Variants in GALNT16 observed in about 807,000 individuals in gnomAD.
GALNT16 encodes UDP-GalNAc:polypeptide N-acetylgalactosaminyltransferase-like protein 1.
A neutral mutation model predicts 76.1 loss-of-function variants in GALNT16; 40 were observed. The observed-to-expected ratio is 0.53, with a 90% CI of 0.41 to 0.68. GALNT16 has a LOEUF of 0.68. Among genes scored for constraint, GALNT16 ranks in the 30% least tolerant of loss-of-function variants. GALNT16 has a pLI of 0.00. For synonymous variants in GALNT16, 276 were observed against 285.2 expected (o/e 0.97, Z 0.32); for missense variants, 621 against 731.9 (o/e 0.85, Z 1.75).
At chr14:69,382,201 G>C in the GALNT16 span, among the ~76,000 whole-genome samples, 1 of 152,162 alleles carries the variant, frequency 6.6e-6, no homozygotes, top group South Asian at 2.1e-4. Context: ...TTCTTCCTCT[G>C]AACAGTAAGG....
the GALNT16 span, among the ~76,000 whole-genome samples, chr14:69,372,541 G>A: frequency 7.0e-6 from 1 of 143,558 alleles, no homozygotes; most frequent in Non-Finnish European, 1.5e-5. Flanking sequence ...TGTTGCCCAG[G>A]CTGGAGTGCA....
At chr14:69,340,368 A>G (rs559962483) in intron 11 of GALNT16, among the ~76,000 whole-genome samples, 2 of 152,332 alleles carry the variant, frequency 1.3e-5, no homozygotes, top group South Asian at 2.1e-4. Flanking sequence ...AATATTTTAA[A>G]TCATCTCTAG....
intron 1 of GALNT16, among the ~76,000 whole-genome samples, chr14:69,316,472 T>C (rs904782625): frequency 3.9e-5 from 6 of 152,166 alleles, no homozygotes; most frequent in Admixed American, 3.3e-4. Flanking sequence ...GACTGTGAGA[T>C]TGCAATGAGT....
intron 1 of GALNT16, among the ~76,000 whole-genome samples, chr14:69,302,670 G>T (rs2044871018): frequency 6.6e-6 from 1 of 152,098 alleles, no homozygotes; most frequent in African/African-American, 2.4e-5. Flanking sequence ...AATTTTAATG[G>T]CTATATTGTA....
chr14:69,327,768 C>G lies in GALNT16; in HGVS notation c.569-682C>G, dbSNP rs946033158. ...AGGGGCAGGAGAAGCTGGGCCTCCT[C>G]CCTCCTGACCAGGCAGGTCTCCGCC... On this transcript the variant is annotated intron_variant, in intron 5 of 14. Transcript: ENST00000448469. Among the ~76,000 whole-genome samples the G allele has an allele frequency of 2.0e-5, 3 of 152,196 alleles. No individual in the cohort carries two copies. The East Asian group carries it at 5.8e-4, about 29-fold the overall frequency.
intron 2 of GALNT16, among the ~76,000 whole-genome samples, chr14:69,321,586 C>G (rs2140164284): frequency 6.6e-6 from 1 of 152,294 alleles, no homozygotes; most frequent in Admixed American, 6.5e-5. Flanking sequence ...CTGGCCTTAC[C>G]CACCTTTCCC....
the GALNT16 span, among the ~76,000 whole-genome samples, chr14:69,374,628 G>C: frequency 3.1e-3 from 476 of 152,342 alleles, 4 homozygotes; most frequent in African/African-American, 0.011. Context: ...TTGAACAGTA[G>C]TGGTATATTG....
At position 69,341,688 on chromosome 14, in the gene GALNT16, A is replaced by G. The variant is rs1292769420; in HGVS notation, c.1195A>G (p.Thr399Ala). The change falls in exon 12 of 15, where the codon ACG becomes GCG. Residue 399 changes from threonine to alanine, a missense_variant. Transcript: ENST00000448469. The stretch of plus-strand genomic sequence containing the variant: ...CCCTGCCTCCTCCTACAGTGTGGCT[A>G]CGCGGATAGAGCAGAGGAAGAAGAT... Reference protein sequence around the residue: ...AIGKAFGSVATRIEQRKKMNC... With the variant: ...AIGKAFGSVAARIEQRKKMNC... 4 of 1,610,376 alleles carry G rather than the reference A, an allele frequency of 2.5e-6. No homozygotes were observed. Among genetic ancestry groups the G allele is most frequent in the Non-Finnish European group, 3.4e-6 (4 of 1,177,550 alleles).
At chr14:69,362,592 G>C in the GALNT16 span, among the ~76,000 whole-genome samples, 1 of 152,222 alleles carries the variant, frequency 6.6e-6, no homozygotes, top group Non-Finnish European at 1.5e-5. Context: ...TCTGAGCTGG[G>C]AGACTTTTAG....
At position 69,320,817 on chromosome 14, in the gene GALNT16, A is replaced by C. The variant is rs754723049; in HGVS notation, c.284A>C (p.Glu95Ala). ...PYRQHAFNQLESDKLSPDRPI... is the reference protein window; with the variant it reads ...PYRQHAFNQLASDKLSPDRPI... The stretch of plus-strand genomic sequence containing the variant: ...AGACAGCACGCCTTCAACCAGCTGG[A>C]GAGTGACAAGCTGAGCCCAGACCGG... Residue 95 changes from glutamate (E) to alanine (A), a missense_variant, in exon 2 of 15, where the codon GAG becomes GCG. Physicochemically the swap from Glu to Ala is moderately radical, Grantham distance 107. Transcript: ENST00000448469. 1 of 1,614,170 alleles carries C rather than the reference A, an allele frequency of 6.2e-7. No homozygotes were observed. The highest frequency in any genetic ancestry group is 8.5e-7 in the Non-Finnish European group (1 of 1,180,008).
At chr14:69,292,774 G>A (rs1431338884) in intron 1 of GALNT16, among the ~76,000 whole-genome samples, 1 of 152,222 alleles carries the variant, frequency 6.6e-6, no homozygotes, top group Admixed American at 6.5e-5. Context: ...AGTTTGATTT[G>A]CTGTACACAG....
At chr14:69,272,187 C>T (rs909236127) in intron 1 of GALNT16, among the ~76,000 whole-genome samples, 3 of 151,878 alleles carry the variant, frequency 2.0e-5, no homozygotes, top group African/African-American at 7.3e-5. Context: ...ATGGTGAAAC[C>T]CCATCTCTAC....
the GALNT16 span, among the ~76,000 whole-genome samples, chr14:69,377,201 T>C: frequency 6.6e-6 from 1 of 152,324 alleles, no homozygotes; most frequent in East Asian, 1.9e-4. Context: ...AAAGGTCCCT[T>C]TGACAAGAAT....
intron 7 of GALNT16, 144 bp from the exon 8 acceptor site, chr14:69,332,941 C>T (rs992711257): frequency 1.5e-6 from 1 of 679,080 alleles, no homozygotes; most frequent in Non-Finnish European, 2.7e-6. Context: ...AGAGGAGGAG[C>T]TTGGCTCATT....
intron 1 of GALNT16, among the ~76,000 whole-genome samples, chr14:69,296,218 G>A (rs1157413593): frequency 1.3e-5 from 2 of 152,056 alleles, no homozygotes; most frequent in African/African-American, 4.8e-5. Context: ...CAGATCTCAT[G>A]AGAACTCACT....
intron 12 of GALNT16, 147 bp from the exon 13 acceptor site, chr14:69,346,892 AC>A (rs2045571771): frequency 3.5e-6 from 3 of 862,032 alleles, no homozygotes. Flanking sequence ...CCTGCTCCTC[AC>A]CTCCCCCTGC....
intron 1 of GALNT16, among the ~76,000 whole-genome samples, chr14:69,280,175 G>A (rs776329994): frequency 6.6e-6 from 1 of 151,970 alleles, no homozygotes; most frequent in African/African-American, 2.4e-5. Flanking sequence ...CAAAGTCTAC[G>A]CCCATTAAAC....
chr14:69,376,133 C>T, the GALNT16 span, among the ~76,000 whole-genome samples: 7 of 142,584 alleles, frequency 4.9e-5, no homozygotes, highest in East Asian at 1.3e-3. Flanking sequence ...AACTCTTGGG[C>T]TCATTTGATC....
At position 69,322,925 on chromosome 14, in the gene GALNT16, G is replaced by T. The variant is rs1314961; in HGVS notation, c.336-1767G>T. Among the ~76,000 whole-genome samples the T allele has an allele frequency of 1.4e-3, 143 of 103,824 alleles. 1 individual carries two copies. The East Asian group carries it at 0.017, about 12-fold the overall frequency. 68.1% of individuals were successfully genotyped at this position (103,824 alleles called of 152,430 possible). ...AAAAGAAAGCTGAGGTGGCTCACGGGGTGTGTGTGTGTGTGTGTGTGTGTG... is the reference window on the plus strand; with the variant it reads ...AAAAGAAAGCTGAGGTGGCTCACGGTGTGTGTGTGTGTGTGTGTGTGTGTG... On this transcript the variant is annotated intron_variant, in intron 2 of 14. Coordinates refer to ENST00000448469, the MANE Select transcript of GALNT16 (RefSeq NM_001168368.2).
Sources: gnomAD v4.1 joint callset for allele counts (sites outside exome capture counted in the v4.1 genomes callset) on GRCh38, gnomAD v4.1.1 for gene constraint, MANE v1.5 for transcripts, NCBI Gene and HGNC (gene_info 2026-07-23, HGNC 2026-07-21) for gene names.